Variants in SYBU observed in about 807,000 individuals in gnomAD.
SYBU encodes GOLSYN A protein.
In SYBU, 21 loss-of-function variants were observed where a neutral mutation model predicts 35.9. The observed-to-expected ratio is 0.58, with a 90% CI of 0.41 to 0.84. The LOEUF (loss-of-function observed/expected upper bound fraction) is 0.84. Among genes scored for constraint, SYBU ranks in the 40% least tolerant of loss-of-function variants. The pLI, the probability that SYBU is intolerant of heterozygous loss-of-function variation, is 0.00. For missense variants in SYBU, 768 were observed against 848.2 expected (o/e 0.91, Z 1.17); for synonymous variants, 319 against 324.3 (o/e 0.98, Z 0.18).
intron 1 of SYBU, chr8:109,644,137 C>G (rs1249098941): frequency 2.2e-6 from 1 of 458,330 alleles, no homozygotes; most frequent in South Asian, 1.5e-5. Flanking sequence ...TGGGGAACTT[C>G]GGAGGGCCCT....
chr8:109,664,103 T>A (rs1816671772), intron 1 of SYBU, among the ~76,000 whole-genome samples: 1 of 152,078 alleles, frequency 6.6e-6, no homozygotes, highest in South Asian at 2.1e-4. Flanking sequence ...AAGAAAAAAA[T>A]TGAAAGTTTA....
intron 1 of SYBU, among the ~76,000 whole-genome samples, chr8:109,662,141 C>A (rs926579889): frequency 2.0e-5 from 3 of 152,160 alleles, no homozygotes; most frequent in African/African-American, 7.2e-5. Context: ...GATGTTAAGA[C>A]CATTGGATCT....
rs1563774854 is a variant in SYBU, at chr8:109,671,255, T to C, written c.-129+9456A>G. Reference sequence around the variant, plus strand: ...TCCAGTTTTTTTTTCTTACTATAGGTGTGGCATAGTGTTTTCTTAAAAAGA... The same window carrying C: ...TCCAGTTTTTTTTTCTTACTATAGGCGTGGCATAGTGTTTTCTTAAAAAGA... On this transcript the variant is annotated intron_variant, in intron 1 of 5. Transcript: ENST00000408889. 2.7e-5 allele frequency among the ~76,000 whole-genome samples: 4 copies of C among 150,398 alleles called. No homozygotes were observed. In the South Asian group the frequency reaches 8.5e-4, roughly 32 times the overall value.
In SYBU at chr8:109,611,400, G is replaced by A. The variant is rs371786952; in HGVS notation, c.427+7442C>T. Among the ~76,000 whole-genome samples the A allele has an allele frequency of 1.1e-4, 17 of 152,262 alleles. No individual in the cohort carries two copies. The East Asian group carries it at 2.7e-3, about 24-fold the overall frequency. ...TGGGTGCATCATCGAAAACACAGAT[G>A]GGAGAAAGGCATGAGAGAAAATATG... On this transcript the variant is annotated intron_variant, in intron 3 of 6. Transcript: ENST00000276646.
At chr8:109,680,655 A>G (rs1817371311) in intron 1 of SYBU, 1 of 152,236 alleles carries the variant, frequency 6.6e-6, no homozygotes, top group Non-Finnish European at 1.5e-5. Flanking sequence ...CTTTGACAAG[A>G]ATATAACCCC....
Position 109,575,104 on chromosome 8 carries a change from G to A in SYBU, c.1794C>T (p.Val598=), listed in dbSNP as rs373057933. 95 of 1,612,528 alleles carry A rather than the reference G, an allele frequency of 5.9e-5. No individual in the cohort carries two copies. Among genetic ancestry groups the A allele is most frequent in the Non-Finnish European group, 8.0e-5 (94 of 1,179,036 alleles). The change falls in exon 7 of 7, where the codon GTC becomes GTT. Residue 598 remains valine (V), a synonymous_variant. Coordinates refer to ENST00000276646, the MANE Select transcript of SYBU (RefSeq NM_001099754.2). ...DGVIPLARGG[V]VRQYWSSSFL... is the part of the protein sequence containing the mutation. ...AGCTGCTGCTCCAGTACTGCCTCAC[G>A]ACGCCCCCGCGAGCCAGTGGGATGA...
intron 2 of SYBU, among the ~76,000 whole-genome samples, chr8:109,627,056 A>AAAC (rs35081252): frequency 0.35 from 52,724 of 151,920 alleles, 11,258 homozygotes; most frequent in African/African-American, 0.6. Flanking sequence ...AGACACTTAA[A>AAAC]AACATTAATG....
upstream of SYBU, among the ~76,000 whole-genome samples, chr8:109,648,275 A>AATATATATATAAT (rs1405502977): frequency 0.059 from 8,510 of 144,842 alleles, 700 homozygotes; most frequent in African/African-American, 0.18. Context: ...ATATATATAT[A>AATATATATATAAT]ATATATATAT....
chr8:109,656,408 T>C (rs1478857184), intron 1 of SYBU, among the ~76,000 whole-genome samples: 2 of 152,198 alleles, frequency 1.3e-5, no homozygotes, highest in African/African-American at 2.4e-5. Context: ...AATACCTCTA[T>C]AGGAATGGAA....
rs543870518 is a variant in SYBU at position 109,627,635 on chromosome 8, T to C, written c.230-8596A>G. Among the ~76,000 whole-genome samples, 45 of 152,316 alleles carry C rather than the reference T, an allele frequency of 3.0e-4. No individual in the cohort carries two copies. The Middle Eastern group carries it at 0.014, about 46-fold the overall frequency. On this transcript the variant is annotated intron_variant, in intron 2 of 6. Transcript: ENST00000276646. ...AGGTTTGTCTGACAAACTGCCTGTT[T>C]TACTCACCACCATAAGCTAGCTGTT...
intron 3 of SYBU, among the ~76,000 whole-genome samples, chr8:109,610,484 C>A (rs1811052409): frequency 6.6e-6 from 1 of 152,192 alleles, no homozygotes; most frequent in Non-Finnish European, 1.5e-5. Context: ...CACCTTCTTG[C>A]AATGTTACAA....
chr8:109,645,196 C>T (rs1380755556), upstream of SYBU: 1 of 456,678 alleles, frequency 2.2e-6, no homozygotes, highest in Non-Finnish European at 4.4e-6. Flanking sequence ...GAAAGTTTTC[C>T]CCTGGCCACC....
upstream of SYBU, chr8:109,645,232 C>G (rs1484655983): frequency 4.4e-6 from 2 of 456,610 alleles, no homozygotes; most frequent in Admixed American, 4.7e-5. Flanking sequence ...GGTCTTAAGT[C>G]AGCCTACAGC....
chr8:109,576,074 T>G, intron 6 of SYBU, 61 bp from the exon 7 acceptor site: 5 of 1,319,632 alleles, frequency 3.8e-6, no homozygotes, highest in Non-Finnish European at 2.0e-6. Flanking sequence ...AAAAAAACTT[T>G]CAACTGGGCA....
At chr8:109,623,031 GCACACA>G (rs71305963) in intron 2 of SYBU, among the ~76,000 whole-genome samples, 38,557 of 150,792 alleles carry the variant, frequency 0.26, 5,074 homozygotes, top group East Asian at 0.41. Flanking sequence ...GTGCGCGCGC[GCACACA>G]CACACACACA....
intron 2 of SYBU, among the ~76,000 whole-genome samples, chr8:109,628,870 T>C (rs1031552990): frequency 6.6e-6 from 1 of 152,030 alleles, no homozygotes; most frequent in African/African-American, 2.4e-5. Context: ...TACTCGATGA[T>C]ATTATGTAGA....
upstream of SYBU, among the ~76,000 whole-genome samples, chr8:109,685,512 T>C (rs1205923424): frequency 2.0e-5 from 3 of 152,222 alleles, no homozygotes; most frequent in Admixed American, 2.0e-4. Flanking sequence ...CTATAAAAAA[T>C]CAAACAGGTC....
intron 2 of SYBU, among the ~76,000 whole-genome samples, chr8:109,621,451 T>A (rs1194944288): frequency 6.6e-6 from 1 of 152,128 alleles, no homozygotes; most frequent in East Asian, 1.9e-4. Context: ...CCTAAATACA[T>A]CCTGAACTTT....
At chr8:109,634,811 A>T (rs929405341) in intron 2 of SYBU, among the ~76,000 whole-genome samples, 1 of 152,152 alleles carries the variant, frequency 6.6e-6, no homozygotes, top group African/African-American at 2.4e-5. Context: ...TGATCTATAA[A>T]TATACTTATT....
Sources: allele counts gnomAD v4.1 joint callset (sites outside exome capture counted in the v4.1 genomes callset), GRCh38; gene constraint gnomAD v4.1.1; transcripts MANE v1.5; gene names NCBI Gene and HGNC (gene_info 2026-07-23, HGNC 2026-07-21).